The following OLFM3 variants were observed in gnomAD, a reference collection of about 807,000 sequenced individuals.
OLFM3 encodes the protein olfactomedin 3, also known as noelin-3.
OLFM3 carries 20 observed loss-of-function variants against 48.6 expected under a neutral mutation model. The observed-to-expected ratio is 0.41, with a 90% CI of 0.29 to 0.60. The LOEUF (loss-of-function observed/expected upper bound fraction) is 0.60, where lower values mean the gene tolerates loss of function less well. OLFM3 is among the 20% of genes least tolerant of loss of function. OLFM3 has a pLI of 0.28. For synonymous variants in OLFM3, 222 were observed against 198.1 expected (o/e 1.12, Z -1.01); for missense variants, 437 against 544.3 (o/e 0.80, Z 1.96).
intron 1 of OLFM3, among the ~76,000 whole-genome samples, chr1:101,949,160 T>G (rs1660045062): frequency 6.6e-6 from 1 of 152,118 alleles, no homozygotes. Context: ...AGAACTTATT[T>G]CTTCTCAAAT....
Position 101,825,142 on chromosome 1 carries a change from T to G in OLFM3, c.476A>C (p.Asn159Thr). ...AATACCAGTGAGGACAGCAGACAGA[T>G]TCCTTATTTCCTCCTTGAACTGGGT... is the stretch of plus-strand genomic sequence containing the variant. ...LITQFKEEIR[N>T]LSAVLTGIQE... The change falls in exon 4 of 6, where the codon AAT becomes ACT. Residue 159 changes from asparagine (N) to threonine (T), a missense_variant. Physicochemically the swap from Asn to Thr is moderately conservative, Grantham distance 65. Transcript: ENST00000370103. The G allele has an allele frequency of 1.2e-6, 2 of 1,614,100 alleles. No homozygotes were observed. The highest frequency in any genetic ancestry group is 2.2e-5 in the South Asian group (2 of 91,082).
At chr1:101,904,724 C>T (rs959694565) in intron 1 of OLFM3, among the ~76,000 whole-genome samples, 1 of 152,014 alleles carries the variant, frequency 6.6e-6, no homozygotes, top group African/African-American at 2.4e-5. Context: ...AAACTGATGG[C>T]AAACAAATCA....
rs954311986 is a variant in OLFM3, at chr1:101,960,760, G to T, written c.69+35988C>A. Among the ~76,000 whole-genome samples the T allele has an allele frequency of 3.3e-5, 5 of 152,096 alleles. No individual in the cohort carries two copies. In the East Asian group the frequency reaches 9.7e-4, roughly 29 times the overall value. ...GGGTATCTCAACCCCTCTACAGACA[G>T]AAAGGATTAGAGTTAACTAGAACTC... is the stretch of plus-strand genomic sequence containing the variant. On this transcript the variant is annotated intron_variant, in intron 1 of 5. Transcript: ENST00000370103.
chr1:101,871,913 G>A (rs1486654525), intron 1 of OLFM3, among the ~76,000 whole-genome samples: 3 of 151,982 alleles, frequency 2.0e-5, no homozygotes, highest in Non-Finnish European at 4.4e-5. Flanking sequence ...CATTATGAGT[G>A]CATAATATGA....
At chr1:101,822,750 G>A (rs563091198) in intron 4 of OLFM3, among the ~76,000 whole-genome samples, 7 of 152,092 alleles carry the variant, frequency 4.6e-5, no homozygotes, top group African/African-American at 1.7e-4. Context: ...ACTAATATGG[G>A]CATTAAACTA....
chr1:101,846,695 T>C (rs927652718), intron 1 of OLFM3: 8 of 577,182 alleles, frequency 1.4e-5, no homozygotes, highest in African/African-American at 7.5e-5. Flanking sequence ...TGTTTATAAA[T>C]AAATATGATG....
chr1:101,956,511 C>A (rs78042665), intron 1 of OLFM3, among the ~76,000 whole-genome samples: 10,903 of 151,882 alleles, frequency 0.072, 469 homozygotes, highest in South Asian at 0.16. Flanking sequence ...ATATCTATTT[C>A]TCTTCCAATA....
chr1:101,812,126 G>A (rs10874520), intron 4 of OLFM3, among the ~76,000 whole-genome samples: 125,759 of 151,520 alleles, frequency 0.83, 52,417 homozygotes, highest in East Asian at 0.92. Context: ...ATAGGTGGGA[G>A]TTGAACAATG....
intron 1 of OLFM3, among the ~76,000 whole-genome samples, chr1:101,931,306 A>T (rs1659438306): frequency 6.6e-6 from 1 of 152,158 alleles, no homozygotes; most frequent in Non-Finnish European, 1.5e-5. Flanking sequence ...AATCCTCTCA[A>T]AGGGGAGAAA....
chr1:101,900,212 G>T (rs1260885968), intron 1 of OLFM3, among the ~76,000 whole-genome samples: 1 of 152,052 alleles, frequency 6.6e-6, no homozygotes, highest in Non-Finnish European at 1.5e-5. Context: ...CATTTCTGTG[G>T]TTCAATCATC....
intron 1 of OLFM3, among the ~76,000 whole-genome samples, chr1:101,966,317 T>TTGTGTGTGTGTGTGTGTG (rs60173488): frequency 3.4e-4 from 43 of 128,058 alleles, no homozygotes; most frequent in Non-Finnish European, 6.6e-4. Flanking sequence ...CCTGGCTAAT[T>TTGTGTGTGTGTGTGTGTG]TGTGTGTGTG....
At chr1:101,868,601 T>A (rs1656947908) in intron 1 of OLFM3, among the ~76,000 whole-genome samples, 1 of 152,212 alleles carries the variant, frequency 6.6e-6, no homozygotes, top group African/African-American at 2.4e-5. Flanking sequence ...AAACCCCATT[T>A]TCTAGAGAGA....
rs182432370 is a variant in OLFM3 at position 101,820,580 on chromosome 1, G to A, written c.592+4446C>T. On this transcript the variant is annotated intron_variant, in intron 4 of 5. Coordinates refer to ENST00000370103, the MANE Select transcript of OLFM3 (RefSeq NM_058170.4). ...ACCTCATTCAGGCCAGAGGTCCATC[G>A]CTGTTGAGAGATTTTCCTAATTTCT... is the stretch of plus-strand genomic sequence containing the variant. Among the ~76,000 whole-genome samples, 13 of 152,104 alleles carry A rather than the reference G, an allele frequency of 8.5e-5. No homozygotes were observed. In the East Asian group the frequency reaches 9.7e-4, roughly 11 times the overall value.
chr1:101,910,711 G>A (rs1180457880), intron 1 of OLFM3, among the ~76,000 whole-genome samples: 3 of 152,094 alleles, frequency 2.0e-5, no homozygotes, highest in Admixed American at 6.5e-5. Flanking sequence ...ACGTCCTGAG[G>A]GGTTGGGATC....
At chr1:101,983,411 A>G (rs1291033067) in intron 1 of OLFM3, among the ~76,000 whole-genome samples, 1 of 152,164 alleles carries the variant, frequency 6.6e-6, no homozygotes, top group African/African-American at 2.4e-5. Context: ...TGTGTCTTAT[A>G]CAGGTTTCTG....
intron 1 of OLFM3, among the ~76,000 whole-genome samples, chr1:101,850,459 C>G (rs1350573707): frequency 6.6e-6 from 1 of 151,796 alleles, no homozygotes. Context: ...ATAATATTAG[C>G]ATGTTCTGTC....
intron 1 of OLFM3, among the ~76,000 whole-genome samples, chr1:101,971,205 G>A (rs1399792609): frequency 6.6e-6 from 1 of 152,188 alleles, no homozygotes; most frequent in African/African-American, 2.4e-5. Flanking sequence ...GAGAGATGAG[G>A]ATCTAAGCCA....
intron 1 of OLFM3, among the ~76,000 whole-genome samples, chr1:101,956,102 T>A (rs200999265): frequency 6.9e-6 from 1 of 144,354 alleles, no homozygotes; most frequent in Non-Finnish European, 1.5e-5. Flanking sequence ...TTTTTTTTTT[T>A]TAAAAAAAAC....
intron 1 of OLFM3, among the ~76,000 whole-genome samples, chr1:101,932,297 A>G (rs1315668187): frequency 6.6e-6 from 1 of 152,184 alleles, no homozygotes; most frequent in African/African-American, 2.4e-5. Context: ...AAGCATTTTA[A>G]AAGTGGATTT....
Sources: allele counts gnomAD v4.1 joint callset (sites outside exome capture counted in the v4.1 genomes callset), GRCh38; gene constraint gnomAD v4.1.1; transcripts MANE v1.5; gene names NCBI Gene and HGNC (gene_info 2026-07-23, HGNC 2026-07-21).